Variants in PMS1 observed in about 807,000 individuals in gnomAD.
PMS1 encodes PMS1 homolog 1, mismatch repair system component.
Under a neutral mutation model 93.1 loss-of-function variants are expected in PMS1, and 79 were observed. The observed-to-expected ratio is 0.85, with a 90% CI of 0.71 to 1.02. The LOEUF (loss-of-function observed/expected upper bound fraction) is 1.02, where lower values mean the gene tolerates loss of function less well. PMS1 is among the 50% of genes least tolerant of loss of function. PMS1 has a pLI of 0.00. For missense variants in PMS1, 1,064 were observed against 1,085.3 expected (o/e 0.98, Z 0.28); for synonymous variants, 335 against 363.4 (o/e 0.92, Z 0.89).
chr2:189,867,712 G>T (rs1046736110), intron 10 of PMS1, 87 bp from the exon 11 acceptor site: 6 of 914,090 alleles, frequency 6.6e-6, no homozygotes, highest in Non-Finnish European at 8.8e-6. Context: ...GATAACACTT[G>T]TCAAAGGGCC....
At chr2:189,832,806 T>A (rs372733241) in intron 5 of PMS1, among the ~76,000 whole-genome samples, 38 of 152,208 alleles carry the variant, frequency 2.5e-4, no homozygotes, top group African/African-American at 9.2e-4. Context: ...TACCTAACTT[T>A]AGTGCTGTTT....
At chr2:189,842,285 G>A (rs1559286744) in intron 5 of PMS1, among the ~76,000 whole-genome samples, 1 of 151,964 alleles carries the variant, frequency 6.6e-6, no homozygotes, top group Non-Finnish European at 1.5e-5. Context: ...TTCTGCCTCT[G>A]TGACCACTCC....
chr2:189,866,458 A>C (rs2056667016), intron 10 of PMS1, among the ~76,000 whole-genome samples: 2 of 152,140 alleles, frequency 1.3e-5, no homozygotes, highest in Non-Finnish European at 2.9e-5. Flanking sequence ...ACAGTTAATG[A>C]TGTAAGTTTT....
chr2:189,846,744 G>T (rs537482848), intron 6 of PMS1, among the ~76,000 whole-genome samples: 7 of 152,138 alleles, frequency 4.6e-5, no homozygotes, highest in Middle Eastern at 3.4e-3. Flanking sequence ...TTGCACTTTC[G>T]CTTGTTGATA....
chr2:189,868,674 C>A (rs2056881007), intron 11 of PMS1, among the ~76,000 whole-genome samples: 1 of 152,040 alleles, frequency 6.6e-6, no homozygotes, highest in Admixed American at 6.6e-5. Flanking sequence ...CAGAGCTCGA[C>A]CAAAATAGTG....
In PMS1 at chr2:189,873,541, A is replaced by G. The variant is rs1205682177; in HGVS notation, c.2519A>G (p.Asn840Ser). The G allele has an allele frequency of 6.3e-7, 1 of 1,599,070 alleles. No homozygotes were observed. The highest frequency in any genetic ancestry group is 1.3e-5 in the African/African-American group (1 of 74,686). ...ENYLEIEGMA[N>S]CLPFYGVADL... ...TACTTGGAAATAGAAGGAATGGCTA[A>G]TTGTCTCCCATTCTATGGAGTAGCA... is the stretch of plus-strand genomic sequence containing the variant. The change falls in exon 12 of 13, where the codon AAT (asparagine) becomes AGT (serine). Residue 840 changes from asparagine (N) to serine (S), a missense_variant. Coordinates refer to ENST00000441310, the MANE Select transcript of PMS1 (RefSeq NM_000534.5).
Position 189,805,717 on chromosome 2 carries a change from C to T in PMS1, c.381C>T (p.Gly127=). The change falls in exon 4 of 13, where the codon GGC becomes GGT. Residue 127 remains glycine, a synonymous_variant. Transcript: ENST00000441310. ...FSTQYVLDGS[G]HILSQKPSHL... ...CCCAGTATGTTTTAGATGGCAGTGG[C>T]CACATACTTTCTCAGAAACCTTCAC... 1 of 1,613,774 alleles carries T rather than the reference C, an allele frequency of 6.2e-7. No individual in the cohort carries two copies. The highest frequency in any genetic ancestry group is 1.1e-5 in the South Asian group (1 of 91,070).
intron 5 of PMS1, among the ~76,000 whole-genome samples, chr2:189,824,389 TTTA>T (rs1019731254): frequency 6.6e-6 from 1 of 152,082 alleles, no homozygotes; most frequent in Admixed American, 6.5e-5. Flanking sequence ...CTGTTTTTAT[TTTA>T]TTTATTTTAA....
intron 1 of PMS1, among the ~76,000 whole-genome samples, chr2:189,790,699 A>T (rs186891598): frequency 1.1e-4 from 16 of 152,350 alleles, no homozygotes; most frequent in African/African-American, 3.8e-4. Flanking sequence ...TATTTAATGT[A>T]GTAGTTGCTG....
At chr2:189,849,318 A>G (rs256577) in intron 6 of PMS1, among the ~76,000 whole-genome samples, 2 of 152,110 alleles carry the variant, frequency 1.3e-5, no homozygotes, top group Non-Finnish European at 2.9e-5. Context: ...TAAATTCCTC[A>G]TCATTGCCTG....
intron 3 of PMS1, among the ~76,000 whole-genome samples, chr2:189,798,543 G>T (rs2049563098): frequency 6.6e-6 from 1 of 152,162 alleles, no homozygotes; most frequent in South Asian, 2.1e-4. Context: ...AGATTTTGGG[G>T]AAGAGGGACT....
At chr2:189,813,314 G>A (rs1370790136) in intron 4 of PMS1, among the ~76,000 whole-genome samples, 2 of 152,216 alleles carry the variant, frequency 1.3e-5, no homozygotes, top group African/African-American at 4.8e-5. Flanking sequence ...CAGCCTGAGT[G>A]TGGTCGATTT....
intron 1 of PMS1, among the ~76,000 whole-genome samples, chr2:189,787,906 T>C (rs1421459218): frequency 4.6e-5 from 7 of 152,030 alleles, no homozygotes; most frequent in Non-Finnish European, 7.4e-5. Flanking sequence ...TGACATGACA[T>C]GGAAGAAGAG....
chr2:189,806,060 G>A, intron 4 of PMS1: 1 of 678,132 alleles, frequency 1.5e-6, no homozygotes, highest in Non-Finnish European at 2.2e-6. Context: ...CATATATGAA[G>A]AAGATTAAAA....
intron 6 of PMS1, among the ~76,000 whole-genome samples, chr2:189,849,943 CCT>C (rs2054569108): frequency 6.7e-6 from 1 of 149,998 alleles, no homozygotes; most frequent in Admixed American, 6.7e-5. Flanking sequence ...ATTTCAGTCC[CCT>C]GTCTTGAATG....
chr2:189,814,586 C>T (rs550846008), intron 4 of PMS1, among the ~76,000 whole-genome samples: 16 of 152,100 alleles, frequency 1.1e-4, no homozygotes, highest in Non-Finnish European at 2.4e-4. Flanking sequence ...TCATTTAAGA[C>T]TTTTTTGTTA....
chr2:189,858,962 G>A (rs1034384910), intron 9 of PMS1, among the ~76,000 whole-genome samples: 1 of 151,990 alleles, frequency 6.6e-6, no homozygotes, highest in Non-Finnish European at 1.5e-5. Flanking sequence ...TAACAGCACT[G>A]TTCTCTCAAT....
intron 12 of PMS1, among the ~76,000 whole-genome samples, chr2:189,876,182 T>C (rs372029916): frequency 2.6e-5 from 4 of 152,082 alleles, no homozygotes; most frequent in African/African-American, 4.8e-5. Flanking sequence ...CATGTTGATA[T>C]ATGTGGTGAA....
Position 189,843,950 on chromosome 2 carries a change from A to G in PMS1, c.583-14A>G. On this transcript the variant is annotated splice_polypyrimidine_tract_variant and intron_variant, in intron 5 of 12. Coordinates refer to ENST00000441310, the MANE Select transcript of PMS1 (RefSeq NM_000534.5). ...AATTGTATTAAAAGTTATCTATATC[A>G]TTTTTGTCCCTAGGCAGTTATTTGG... The G allele has an allele frequency of 1.2e-5, 19 of 1,603,652 alleles. No homozygotes were observed. Among genetic ancestry groups the G allele is most frequent in the Non-Finnish European group, 1.6e-5 (19 of 1,170,670 alleles).
Sources: allele counts gnomAD v4.1 joint callset (sites outside exome capture counted in the v4.1 genomes callset), GRCh38; gene constraint gnomAD v4.1.1; transcripts MANE v1.5; gene names NCBI Gene and HGNC (gene_info 2026-07-23, HGNC 2026-07-21).